The following KCNJ6 variants were observed in gnomAD, a reference collection of about 807,000 sequenced individuals.
The protein encoded by KCNJ6 is G protein-activated inward rectifier potassium channel 2.
In KCNJ6, 9 loss-of-function variants were observed where a neutral mutation model predicts 34.2. That is an observed-to-expected ratio of 0.26 (90% confidence interval 0.16 to 0.46). The LOEUF is 0.46. KCNJ6 is among the 20% of genes least tolerant of loss of function. KCNJ6 has a pLI of 1.00. For synonymous variants in KCNJ6, 196 were observed against 207.1 expected, an observed-to-expected ratio of 0.95 and a Z score of 0.46; for missense variants, 236 against 531.3, an observed-to-expected ratio of 0.44 and a Z score of 5.46.
intron 3 of KCNJ6, among the ~76,000 whole-genome samples, chr21:37,705,399 T>C (rs1327417637): frequency 1.3e-5 from 2 of 152,218 alleles, no homozygotes; most frequent in Non-Finnish European, 1.5e-5. Flanking sequence ...GGTACCCACA[T>C]TTCAGAATTG....
rs1372692576 is a variant in KCNJ6 at position 37,916,294 on chromosome 21, T to C, written c.-438A>G. The C allele has an allele frequency of 6.7e-6, 1 of 149,204 alleles. No individual in the cohort carries two copies. Among genetic ancestry groups the C allele is most frequent in the African/African-American group, 2.5e-5 (1 of 40,330 alleles). 9.2% of individuals were successfully genotyped at this position (149,204 alleles called of 1,614,324 possible). On this transcript the variant is annotated 5_prime_UTR_variant, in exon 1 of 4. Transcript: ENST00000609713. ...CTGGGTGGAATGAAGTGGGGAAAGATAAGAGTGGCAGAAGAAAAAAAAAAT... is the reference window on the plus strand; with the variant it reads ...CTGGGTGGAATGAAGTGGGGAAAGACAAGAGTGGCAGAAGAAAAAAAAAAT...
intron 3 of KCNJ6, among the ~76,000 whole-genome samples, chr21:37,635,610 C>T (rs2054354230): frequency 6.6e-6 from 1 of 152,054 alleles, no homozygotes; most frequent in African/African-American, 2.4e-5. Context: ...TCAACCTCCC[C>T]AGGCTTAGGT....
chr21:37,898,539 G>A (rs180778475), intron 1 of KCNJ6, among the ~76,000 whole-genome samples: 3 of 150,328 alleles, frequency 2.0e-5, no homozygotes, highest in East Asian at 3.9e-4. Flanking sequence ...CCAAGATCAC[G>A]CTACTGGACT....
At chr21:37,814,853 T>C (rs1201626231) in intron 2 of KCNJ6, among the ~76,000 whole-genome samples, 2 of 139,478 alleles carry the variant, frequency 1.4e-5, no homozygotes, top group East Asian at 4.4e-4. Flanking sequence ...AGCCGAGATG[T>C]GCCACTGCAC....
chr21:37,897,688 G>A (rs566564125), intron 1 of KCNJ6, among the ~76,000 whole-genome samples: 4 of 152,212 alleles, frequency 2.6e-5, no homozygotes, highest in South Asian at 2.1e-4. Flanking sequence ...GGGCTACCTC[G>A]GATTTCCTGC....
chr21:37,891,350 AAC>A (rs2123634869), intron 1 of KCNJ6, among the ~76,000 whole-genome samples: 1 of 152,164 alleles, frequency 6.6e-6, no homozygotes, highest in East Asian at 1.9e-4. Flanking sequence ...CGCATAGACA[AAC>A]ACACAGGCAC....
At chr21:37,643,169 C>T (rs911859013) in intron 3 of KCNJ6, among the ~76,000 whole-genome samples, 1 of 152,114 alleles carries the variant, frequency 6.6e-6, no homozygotes, top group Non-Finnish European at 1.5e-5. Flanking sequence ...GTATGTTTAC[C>T]ACTGGTGTTA....
In KCNJ6 at chr21:37,607,482, A is replaced by ATTTTT. The variant is rs753569226; in HGVS notation, c.*17672_*17676dup. 1.0e-4 allele frequency: 14 copies of ATTTTT among 136,762 alleles called. No individual in the cohort carries two copies. The highest frequency in any genetic ancestry group is 4.8e-4 in the South Asian group (2 of 4,156). The allele number at this position is 136,762 out of a possible 1,614,324, so 8.5% of individuals were successfully genotyped here. A position where few individuals can be genotyped will look rare whatever the true frequency, so the allele number is the denominator to read the frequency against. On this transcript the variant is annotated 3_prime_UTR_variant, in exon 4 of 4. Transcript: ENST00000609713. ...CTTAAAGATATATATATATATATAT[A>ATTTTT]TTTTTTTTTTATTTTAAAAAAATTT...
intron 2 of KCNJ6, among the ~76,000 whole-genome samples, chr21:37,734,371 T>C (rs1246576832): frequency 1.3e-5 from 2 of 152,092 alleles, no homozygotes; most frequent in East Asian, 1.9e-4. Flanking sequence ...TAAAATGTTG[T>C]ACAGAGGAGA....
intron 2 of KCNJ6, among the ~76,000 whole-genome samples, chr21:37,788,283 T>G (rs543079472): frequency 6.6e-6 from 1 of 152,332 alleles, no homozygotes; most frequent in Non-Finnish European, 1.5e-5. Flanking sequence ...TTCCAGTAGC[T>G]AGCCATGGAA....
At chr21:37,627,540 C>G (rs939912038) in intron 3 of KCNJ6, among the ~76,000 whole-genome samples, 11 of 152,076 alleles carry the variant, frequency 7.2e-5, no homozygotes, top group African/African-American at 2.7e-4. Flanking sequence ...TCTTTTTCCA[C>G]CAAGGAAGTA....
In KCNJ6 at chr21:37,617,098, T is replaced by TTCTA. The variant is rs57401319; in HGVS notation, c.*8060_*8061insTAGA. 0.74 allele frequency: 100,745 copies of TTCTA among 135,268 alleles called. 37,927 individuals are homozygous for TTCTA. Among genetic ancestry groups the TTCTA allele is most frequent in the African/African-American group, 0.8 (28,451 of 35,420 alleles). The allele number at this position is 135,268 out of a possible 1,614,324, so 8.4% of individuals were successfully genotyped here. A position where few individuals can be genotyped will look rare whatever the true frequency, so the allele number is the denominator to read the frequency against. On this transcript the variant is annotated 3_prime_UTR_variant, in exon 4 of 4. Coordinates refer to ENST00000609713, the MANE Select transcript of KCNJ6 (RefSeq NM_002240.5). ...TTTTCTTTCTTTTTCTTTCTTTCTT[T>TTCTA]TCTTTCTTTCTTTCCTTCTTCCTTC...
intron 2 of KCNJ6, among the ~76,000 whole-genome samples, chr21:37,801,138 G>T (rs1294651776): frequency 6.6e-6 from 1 of 152,118 alleles, no homozygotes; most frequent in Non-Finnish European, 1.5e-5. Flanking sequence ...CTGGATTTTT[G>T]AACCCAACCC....
intron 1 of KCNJ6, among the ~76,000 whole-genome samples, chr21:37,871,757 C>A (rs541428088): frequency 1.8e-4 from 28 of 152,290 alleles, no homozygotes; most frequent in African/African-American, 6.0e-4. Context: ...ATGCAATGTG[C>A]CCAGAGTCAC....
intron 3 of KCNJ6, among the ~76,000 whole-genome samples, chr21:37,641,146 G>A (rs2054379073): frequency 6.6e-6 from 1 of 152,184 alleles, no homozygotes; most frequent in Non-Finnish European, 1.5e-5. Flanking sequence ...GTCAATACTT[G>A]TCTGTATCTC....
chr21:37,882,730 C>CCCAGCAT (rs2055715678), intron 1 of KCNJ6, among the ~76,000 whole-genome samples: 1 of 152,166 alleles, frequency 6.6e-6, no homozygotes, highest in Non-Finnish European at 1.5e-5. Context: ...ATTTGCCATG[C>CCCAGCAT]CCAGCATCCT....
At chr21:37,680,288 T>C (rs770042535) in intron 3 of KCNJ6, among the ~76,000 whole-genome samples, 51 of 152,242 alleles carry the variant, frequency 3.3e-4, no homozygotes, top group Non-Finnish European at 5.7e-4. Context: ...GAGTGAAATG[T>C]TGGGCAAGAC....
At chr21:37,733,364 G>C (rs2054895971) in intron 2 of KCNJ6, among the ~76,000 whole-genome samples, 1 of 152,154 alleles carries the variant, frequency 6.6e-6, no homozygotes, top group Non-Finnish European at 1.5e-5. Flanking sequence ...TCTGCTCTCT[G>C]TAATCATTGC....
chr21:37,766,163 C>T (rs2055090020), intron 2 of KCNJ6, among the ~76,000 whole-genome samples: 1 of 152,144 alleles, frequency 6.6e-6, no homozygotes, highest in African/African-American at 2.4e-5. Flanking sequence ...AAGCTCAGTA[C>T]TGTATGGTTC....
Sources: allele counts gnomAD v4.1 joint callset (sites outside exome capture counted in the v4.1 genomes callset), GRCh38; gene constraint gnomAD v4.1.1; transcripts MANE v1.5; gene names NCBI Gene and HGNC (gene_info 2026-07-23, HGNC 2026-07-21).